The following OXR1 variants were observed in gnomAD, a reference collection of about 807,000 sequenced individuals.
The protein encoded by OXR1 is oxidation resistance protein 1.
OXR1 carries 41 observed loss-of-function variants against 104.6 expected under a neutral mutation model. That is an observed-to-expected ratio of 0.39 (90% confidence interval 0.31 to 0.51). OXR1 has a LOEUF of 0.51. Ranked by LOEUF, OXR1 falls within the 20% of genes least tolerant of loss-of-function variation. OXR1 has a pLI of 0.77. For synonymous variants in OXR1, 348 were observed against 348.4 expected (o/e 1.00, Z 0.01); for missense variants, 955 against 1,031.9 (o/e 0.93, Z 1.02).
chr8:106,534,974 T>G (rs1814374231), intron 3 of OXR1, among the ~76,000 whole-genome samples: 1 of 151,502 alleles, frequency 6.6e-6, no homozygotes, highest in Non-Finnish European at 1.5e-5. Context: ...TTTGTTTTGT[T>G]TTTTTTGAGA....
intron 2 of OXR1, among the ~76,000 whole-genome samples, chr8:106,403,158 T>C (rs908767410): frequency 4.6e-5 from 7 of 152,218 alleles, no homozygotes; most frequent in African/African-American, 1.7e-4. Flanking sequence ...ATGATTCAGG[T>C]TAGGCTTTTG....
At chr8:106,696,440 T>C (rs1191017580) in intron 7 of OXR1, among the ~76,000 whole-genome samples, 2 of 152,232 alleles carry the variant, frequency 1.3e-5, no homozygotes, top group Non-Finnish European at 1.5e-5. Context: ...AACATTCATG[T>C]GCAGGTTTTG....
intron 3 of OXR1, among the ~76,000 whole-genome samples, chr8:106,581,742 G>A (rs1211454856): frequency 6.6e-6 from 1 of 151,762 alleles, no homozygotes; most frequent in African/African-American, 2.4e-5. Flanking sequence ...TCATTTTCAG[G>A]GCCAGGCACA....
intron 6 of OXR1, among the ~76,000 whole-genome samples, chr8:106,688,535 A>G (rs1828970339): frequency 6.6e-6 from 1 of 152,140 alleles, no homozygotes. Flanking sequence ...CTTCCTTTTT[A>G]AGGATAGGCT....
intron 11 of OXR1, among the ~76,000 whole-genome samples, chr8:106,721,833 C>T (rs1488533165): frequency 6.6e-6 from 1 of 151,978 alleles, no homozygotes; most frequent in Non-Finnish European, 1.5e-5. Context: ...AATATGTAAC[C>T]CGTTCTTAGC....
intron 3 of OXR1, among the ~76,000 whole-genome samples, chr8:106,582,557 A>T (rs1217966651): frequency 6.6e-6 from 1 of 152,124 alleles, no homozygotes. Flanking sequence ...AGTCTTTTAC[A>T]ACATTTTAAT....
chr8:106,400,854 G>A (rs964864913), intron 2 of OXR1, among the ~76,000 whole-genome samples: 1 of 152,034 alleles, frequency 6.6e-6, no homozygotes, highest in Non-Finnish European at 1.5e-5. Flanking sequence ...GATACAACTA[G>A]GTATGTGTTT....
chr8:106,440,109 C>T (rs958565076), intron 2 of OXR1, among the ~76,000 whole-genome samples: 1 of 152,048 alleles, frequency 6.6e-6, no homozygotes, highest in Non-Finnish European at 1.5e-5. Flanking sequence ...AGTGGTGCTC[C>T]TCAGCGGTGG....
intron 2 of OXR1, among the ~76,000 whole-genome samples, chr8:106,438,931 C>T (rs1213235282): frequency 6.6e-6 from 1 of 152,036 alleles, no homozygotes; most frequent in Non-Finnish European, 1.5e-5. Flanking sequence ...AGAGATGCAT[C>T]CCCATTGCTG....
At chr8:106,728,645 G>A (rs1481339624) in intron 11 of OXR1, among the ~76,000 whole-genome samples, 1 of 151,982 alleles carries the variant, frequency 6.6e-6, no homozygotes, top group Admixed American at 6.6e-5. Flanking sequence ...TTTTTTAAAG[G>A]CCGTTTTATA....
At chr8:106,370,426 C>T (rs564034783) in intron 2 of OXR1, among the ~76,000 whole-genome samples, 3 of 152,180 alleles carry the variant, frequency 2.0e-5, no homozygotes, top group South Asian at 4.1e-4. Flanking sequence ...CCAAAACTTC[C>T]AGTACTATGT....
chr8:106,687,712 T>G (rs1375984333), intron 6 of OXR1, among the ~76,000 whole-genome samples: 1 of 125,624 alleles, frequency 8.0e-6, no homozygotes, highest in Non-Finnish European at 1.7e-5. Context: ...AGACTCTGTC[T>G]CAAAAAAAAA....
At chr8:106,427,587 C>T (rs1457752091) in intron 2 of OXR1, among the ~76,000 whole-genome samples, 1 of 152,146 alleles carries the variant, frequency 6.6e-6, no homozygotes, top group Non-Finnish European at 1.5e-5. Context: ...GTTATTGTGA[C>T]ATGATTGTGG....
At chr8:106,688,090 G>C (rs776171882) in intron 6 of OXR1, among the ~76,000 whole-genome samples, 1 of 152,026 alleles carries the variant, frequency 6.6e-6, no homozygotes, top group African/African-American at 2.4e-5. Context: ...ATAGAAACCT[G>C]CTTTTGTTTT....
chr8:106,286,904 CTCTATT>C (rs1812525654), intron 1 of OXR1, among the ~76,000 whole-genome samples: 1 of 152,158 alleles, frequency 6.6e-6, no homozygotes, highest in South Asian at 2.1e-4. Context: ...CTTGTCAATT[CTCTATT>C]TCTAGTAACT....
chr8:106,446,687 T>C (rs1820023925), intron 2 of OXR1, among the ~76,000 whole-genome samples: 1 of 151,852 alleles, frequency 6.6e-6, no homozygotes, highest in Non-Finnish European at 1.5e-5. Context: ...TTACAGCTCT[T>C]TGGAAGGTTG....
chr8:106,673,452 G>A (rs1185369613), intron 3 of OXR1, among the ~76,000 whole-genome samples: 1 of 152,162 alleles, frequency 6.6e-6, no homozygotes, highest in Non-Finnish European at 1.5e-5. Flanking sequence ...AGATGGTTTG[G>A]ATTTGAAGCT....
At chr8:106,576,874 C>T (rs1400260225) in intron 3 of OXR1, among the ~76,000 whole-genome samples, 1 of 152,030 alleles carries the variant, frequency 6.6e-6, no homozygotes, top group Non-Finnish European at 1.5e-5. Flanking sequence ...CAATTTTAAT[C>T]AAAATATTTT....
intron 1 of OXR1, among the ~76,000 whole-genome samples, chr8:106,351,783 G>T (rs117652930): frequency 6.6e-6 from 1 of 152,122 alleles, no homozygotes; most frequent in Non-Finnish European, 1.5e-5. Context: ...CATGATTGTC[G>T]TCATCATCAT....
Sources: gnomAD v4.1 joint callset for allele counts (sites outside exome capture counted in the v4.1 genomes callset) on GRCh38, gnomAD v4.1.1 for gene constraint, MANE v1.5 for transcripts, NCBI Gene and HGNC (gene_info 2026-07-23, HGNC 2026-07-21) for gene names.